The following NBEA variants were observed in gnomAD, a reference collection of about 807,000 sequenced individuals.
NBEA encodes neurobeachin.
Under a neutral mutation model 343.4 loss-of-function variants are expected in NBEA, and 44 were observed. That is an observed-to-expected ratio of 0.13 (90% CI 0.10 to 0.16). NBEA has a LOEUF of 0.16. NBEA is among the 10% of genes least tolerant of loss of function. The pLI is 1.00. For missense variants in NBEA, 2,555 were observed against 3,631.3 expected, an observed-to-expected ratio of 0.70 and a Z score of 7.62; for synonymous variants, 1,175 against 1,238.7, an observed-to-expected ratio of 0.95 and a Z score of 1.08.
In NBEA at chr13:35,539,915, C is replaced by CAAAAAAAAAAAAAAAAAAAA. The variant is rs71081262; in HGVS notation, c.6586-10554_6586-10535dup. On this transcript the variant is annotated intron_variant, in intron 41 of 58. Transcript: ENST00000379939. ...TGGGCGACAGAGCAAGACTCCGTCTCAAAAAAAAAAAAAAAAAAAAAAAAA... is the reference window on the plus strand; with the variant it reads ...TGGGCGACAGAGCAAGACTCCGTCTCAAAAAAAAAAAAAAAAAAAAAAAAAAAAAAAAAAAAAAAAAAAAA... 1.5e-4 allele frequency among the ~76,000 whole-genome samples: 6 copies of CAAAAAAAAAAAAAAAAAAAA among 39,614 alleles called. 1 individual carries two copies. The highest frequency in any genetic ancestry group is 2.3e-4 in the Non-Finnish European group (5 of 21,854). 26.0% of individuals were successfully genotyped at this position (39,614 alleles called of 152,430 possible).
intron 55 of NBEA, among the ~76,000 whole-genome samples, chr13:35,662,835 G>A (rs2085166479): frequency 6.6e-6 from 1 of 152,130 alleles, no homozygotes; most frequent in Admixed American, 6.5e-5. Flanking sequence ...GCATATTAGG[G>A]AAAGGTCCCA....
intron 10 of NBEA, 145 bp from the exon 11 acceptor site, chr13:35,098,152 A>G (rs2065435310): frequency 2.0e-6 from 1 of 493,854 alleles, no homozygotes; most frequent in South Asian, 4.1e-5. Flanking sequence ...ATTCTTTCAT[A>G]ATATAAGGCA....
chr13:35,404,492 C>T (rs1308702036), intron 38 of NBEA, among the ~76,000 whole-genome samples: 1 of 151,052 alleles, frequency 6.6e-6, no homozygotes, highest in African/African-American at 2.4e-5. Context: ...TCTCAGTAAA[C>T]TATCACAAGA....
chr13:35,083,678 G>C (rs1053601803), intron 10 of NBEA, among the ~76,000 whole-genome samples: 1 of 152,008 alleles, frequency 6.6e-6, no homozygotes, highest in East Asian at 1.9e-4. Flanking sequence ...AGACCACCAA[G>C]GCTAGGAAGA....
chr13:35,128,914 G>A (rs1233521420), intron 17 of NBEA, among the ~76,000 whole-genome samples: 1 of 152,044 alleles, frequency 6.6e-6, no homozygotes, highest in Non-Finnish European at 1.5e-5. Context: ...AGATCTGAAA[G>A]CATGGATGAA....
chr13:34,982,414 C>A (rs369201221), intron 1 of NBEA, among the ~76,000 whole-genome samples: 1 of 152,092 alleles, frequency 6.6e-6, no homozygotes, highest in Non-Finnish European at 1.5e-5. Flanking sequence ...AATCTCCTGC[C>A]TCAGCCTCCC....
intron 1 of NBEA, among the ~76,000 whole-genome samples, chr13:35,034,567 C>T (rs187280572): frequency 6.6e-6 from 1 of 151,808 alleles, no homozygotes; most frequent in African/African-American, 2.4e-5. Flanking sequence ...CCTTCCTCCT[C>T]CATTTGGAAG....
At chr13:35,440,437 T>C (rs971288824) in intron 39 of NBEA, among the ~76,000 whole-genome samples, 2 of 152,294 alleles carry the variant, frequency 1.3e-5, no homozygotes, top group Non-Finnish European at 1.5e-5. Flanking sequence ...TTCATCAAAG[T>C]ATATTAAAAA....
intron 1 of NBEA, among the ~76,000 whole-genome samples, chr13:35,018,289 A>G (rs76688935): frequency 0.077 from 11,706 of 152,170 alleles, 542 homozygotes; most frequent in African/African-American, 0.11. Flanking sequence ...CTAACAAAAA[A>G]CCAGGCACAA....
intron 41 of NBEA, among the ~76,000 whole-genome samples, chr13:35,484,234 A>ATGTGTGTGTG (rs397851790): frequency 2.4e-5 from 3 of 124,796 alleles, no homozygotes; most frequent in Non-Finnish European, 5.0e-5. Context: ...CTACATTAAT[A>ATGTGTGTGTG]TGTGTGTGTG....
rs117389486 is a variant in NBEA, at chr13:35,571,134, T to A, written c.7035+4117T>A. On this transcript the variant is annotated intron_variant, in intron 45 of 58. Coordinates refer to ENST00000379939, the MANE Select transcript of NBEA (RefSeq NM_001385012.1). The stretch of plus-strand genomic sequence containing the variant: ...AGCAGTGAATAATTCTAGAATTTGT[T>A]TCAATAAACATGTGGTACCCCAAAT... Among the ~76,000 whole-genome samples the A allele has an allele frequency of 4.3e-3, 654 of 152,322 alleles. 9 individuals carry two copies. Among genetic ancestry groups the A allele is most frequent in the Admixed American group, 8.6e-3 (132 of 15,302 alleles).
At chr13:35,110,256 T>C (rs1169218047) in intron 12 of NBEA, among the ~76,000 whole-genome samples, 4 of 129,004 alleles carry the variant, frequency 3.1e-5, no homozygotes, top group African/African-American at 1.2e-4. Flanking sequence ...GAAGAAATGC[T>C]CATCATCTTT....
intron 41 of NBEA, among the ~76,000 whole-genome samples, chr13:35,539,605 A>G (rs1416833583): frequency 6.6e-6 from 1 of 152,126 alleles, no homozygotes; most frequent in Non-Finnish European, 1.5e-5. Context: ...GTTTGAAGCT[A>G]TAATGGATTA....
intron 17 of NBEA, among the ~76,000 whole-genome samples, chr13:35,125,567 G>T (rs1197908): frequency 0.92 from 139,280 of 152,144 alleles, 63,884 homozygotes; most frequent in Admixed American, 0.96. Context: ...AGGAAAGTTT[G>T]TGGATTGTGA....
chr13:35,390,806 T>G, intron 38 of NBEA, among the ~76,000 whole-genome samples: 1 of 152,360 alleles, frequency 6.6e-6, no homozygotes, highest in South Asian at 2.1e-4. Context: ...ATTTTATATT[T>G]CTTTGAAGAA....
intron 47 of NBEA, among the ~76,000 whole-genome samples, chr13:35,599,163 C>G (rs2081940600): frequency 6.6e-6 from 1 of 152,140 alleles, no homozygotes; most frequent in South Asian, 2.1e-4. Flanking sequence ...ATCTTCCAGA[C>G]CCCACCAGGC....
At chr13:34,948,395 T>G (rs1243446459) in intron 1 of NBEA, among the ~76,000 whole-genome samples, 1 of 152,182 alleles carries the variant, frequency 6.6e-6, no homozygotes, top group South Asian at 2.1e-4. Context: ...AATGTGTAAA[T>G]TCTTAAGAGT....
chr13:35,251,417 G>T, intron 34 of NBEA: 1 of 1,052,868 alleles, frequency 9.5e-7, no homozygotes. Flanking sequence ...AGAGATCCTC[G>T]TCAGTGGTGG....
At chr13:35,543,552 G>A (rs954492615) in intron 41 of NBEA, among the ~76,000 whole-genome samples, 1 of 152,094 alleles carries the variant, frequency 6.6e-6, no homozygotes. Context: ...CAGTCACTGG[G>A]AACATTCACT....
Sources: gnomAD v4.1 joint callset for allele counts (sites outside exome capture counted in the v4.1 genomes callset) on GRCh38, gnomAD v4.1.1 for gene constraint, MANE v1.5 for transcripts, NCBI Gene and HGNC (gene_info 2026-07-23, HGNC 2026-07-21) for gene names.